Variants in SGCZ observed in about 807,000 individuals in gnomAD.
SGCZ encodes the protein sarcoglycan zeta.
In SGCZ, 40 loss-of-function variants were observed where a neutral mutation model predicts 41.3. The ratio of observed to expected loss-of-function variants is 0.97; its 90% CI spans 0.75 to 1.26. The LOEUF is 1.26. SGCZ is among the 50% of genes most tolerant of loss of function. The pLI is 0.00. For synonymous variants in SGCZ, 206 were observed against 137.5 expected, an observed-to-expected ratio of 1.50 and a Z score of -3.49; for missense variants, 552 against 369.8, an observed-to-expected ratio of 1.49 and a Z score of -4.04.
At position 14,102,458 on chromosome 8, in the gene SGCZ, C is replaced by T. The variant is rs772544113; in HGVS notation, c.662G>A (p.Arg221His). The change falls in exon 7 of 8, where the codon CGT (arginine) becomes CAT (histidine). Residue 221 changes from arginine to histidine, a missense_variant. Arg to His is a conservative substitution (Grantham distance 29, BLOSUM62 0). Transcript: ENST00000382080. ...PTRSLIMEAP[R>H]GVQVSAAAGD... ...TGCAGCAGCACTCACCTGGACCCCA[C>T]GGGGAGCTTCCATGATCAAGGATCT... 1.3e-5 allele frequency: 20 copies of T among 1,499,808 alleles called. No homozygotes were observed. The highest frequency in any genetic ancestry group is 4.2e-5 in the African/African-American group (3 of 71,758). 92.9% of individuals were successfully genotyped at this position (1,499,808 alleles called of 1,614,324 possible). A position where few individuals can be genotyped will look rare whatever the true frequency, so the allele number is the denominator to read the frequency against.
At chr8:14,421,843 T>G (rs1431988340) in intron 2 of SGCZ, among the ~76,000 whole-genome samples, 1 of 152,156 alleles carries the variant, frequency 6.6e-6, no homozygotes, top group Non-Finnish European at 1.5e-5. Context: ...AAAAATAGTT[T>G]ATTTAAAGAG....
chr8:14,625,054 G>A (rs950590910), intron 1 of SGCZ, among the ~76,000 whole-genome samples: 9 of 152,008 alleles, frequency 5.9e-5, no homozygotes, highest in Non-Finnish European at 1.2e-4. Context: ...TTTAATATGT[G>A]TCTTAATAAA....
intron 4 of SGCZ, among the ~76,000 whole-genome samples, chr8:14,226,942 T>A (rs149410449): frequency 6.6e-6 from 1 of 152,152 alleles, no homozygotes. Flanking sequence ...AAAACAGGTA[T>A]GGTCAATTTC....
At chr8:15,163,318 G>A (rs1280249601) in intron 1 of SGCZ, among the ~76,000 whole-genome samples, 1 of 152,200 alleles carries the variant, frequency 6.6e-6, no homozygotes, top group Non-Finnish European at 1.5e-5. Context: ...TTTCAGAGCT[G>A]AGGAAACTGA....
At chr8:15,041,615 C>G (rs995187189) in intron 1 of SGCZ, among the ~76,000 whole-genome samples, 1 of 151,956 alleles carries the variant, frequency 6.6e-6, no homozygotes, top group African/African-American at 2.4e-5. Flanking sequence ...CAGAGAAATG[C>G]ATATACTGAT....
chr8:14,256,794 G>A (rs1001702832), intron 3 of SGCZ, among the ~76,000 whole-genome samples: 2 of 151,902 alleles, frequency 1.3e-5, no homozygotes, highest in African/African-American at 2.4e-5. Context: ...TCAACTTTCC[G>A]GGTTCACAGA....
intron 1 of SGCZ, among the ~76,000 whole-genome samples, chr8:14,693,666 C>T (rs1297864566): frequency 1.4e-5 from 2 of 145,532 alleles, no homozygotes; most frequent in African/African-American, 5.1e-5. Context: ...TCTCAGCTCA[C>T]TGCAAGCTCC....
chr8:15,151,067 C>T (rs1799166619), intron 1 of SGCZ, among the ~76,000 whole-genome samples: 1 of 152,246 alleles, frequency 6.6e-6, no homozygotes, highest in Non-Finnish European at 1.5e-5. Context: ...TACACACAGA[C>T]ACACATACAC....
chr8:14,712,475 G>A (rs1176942965), intron 1 of SGCZ, among the ~76,000 whole-genome samples: 1 of 152,216 alleles, frequency 6.6e-6, no homozygotes, highest in Non-Finnish European at 1.5e-5. Flanking sequence ...ATTCAGGACT[G>A]TCATTAGCCA....
At chr8:15,122,876 T>G (rs889174916) in intron 1 of SGCZ, among the ~76,000 whole-genome samples, 1 of 152,170 alleles carries the variant, frequency 6.6e-6, no homozygotes, top group African/African-American at 2.4e-5. Context: ...AATGCACAAA[T>G]GTGACATACT....
intron 2 of SGCZ, among the ~76,000 whole-genome samples, chr8:14,504,037 C>A (rs1210883514): frequency 6.6e-6 from 1 of 152,062 alleles, no homozygotes; most frequent in African/African-American, 2.4e-5. Context: ...CCCTTTATTT[C>A]TCTAAAGTTA....
intron 1 of SGCZ, among the ~76,000 whole-genome samples, chr8:14,837,295 T>C (rs1359352739): frequency 2.6e-5 from 4 of 152,180 alleles, no homozygotes; most frequent in African/African-American, 9.6e-5. Context: ...GAAGAAATGA[T>C]CCATGAAAAG....
intron 1 of SGCZ, among the ~76,000 whole-genome samples, chr8:14,832,476 C>T (rs748835721): frequency 1.2e-4 from 18 of 151,726 alleles, no homozygotes; most frequent in Non-Finnish European, 2.4e-4. Flanking sequence ...TTTCTACCAC[C>T]GTATCTAAGA....
chr8:14,918,207 C>T (rs547934076), intron 1 of SGCZ, among the ~76,000 whole-genome samples: 41 of 152,206 alleles, frequency 2.7e-4, no homozygotes, highest in African/African-American at 9.1e-4. Context: ...AGAATTAAGG[C>T]AATGAGACCG....
At chr8:14,377,114 C>T (rs1051683205) in intron 2 of SGCZ, among the ~76,000 whole-genome samples, 17 of 152,112 alleles carry the variant, frequency 1.1e-4, no homozygotes, top group Non-Finnish European at 8.8e-5. Flanking sequence ...GCAAGAAGAA[C>T]GAACAATATA....
chr8:14,835,844 T>C (rs7821026), intron 1 of SGCZ, among the ~76,000 whole-genome samples: 5,283 of 152,280 alleles, frequency 0.035, 230 homozygotes, highest in African/African-American at 0.1. Context: ...GTAGAAACAA[T>C]CATTACAAAG....
intron 3 of SGCZ, among the ~76,000 whole-genome samples, chr8:14,314,389 AT>A (rs574143181): frequency 2.0e-5 from 3 of 151,926 alleles, no homozygotes; most frequent in African/African-American, 7.3e-5. Flanking sequence ...CAAAATACAG[AT>A]TTTTTTTCTG....
At chr8:14,620,078 G>T (rs1230887265) in intron 1 of SGCZ, among the ~76,000 whole-genome samples, 1 of 152,106 alleles carries the variant, frequency 6.6e-6, no homozygotes, top group Admixed American at 6.5e-5. Flanking sequence ...CATGGTACTG[G>T]TACCAAAACA....
At chr8:14,339,682 T>C (rs17119098) in intron 2 of SGCZ, among the ~76,000 whole-genome samples, 2,440 of 152,226 alleles carry the variant, frequency 0.016, 63 homozygotes, top group African/African-American at 0.055. Flanking sequence ...GTATAGTGCA[T>C]GAACACCACA....
Sources: gnomAD v4.1 joint callset for allele counts (sites outside exome capture counted in the v4.1 genomes callset) on GRCh38, gnomAD v4.1.1 for gene constraint, MANE v1.5 for transcripts, NCBI Gene and HGNC (gene_info 2026-07-23, HGNC 2026-07-21) for gene names.